Variants in CTNND1 observed in about 807,000 individuals in gnomAD.
CTNND1 encodes the protein catenin delta-1.
A neutral mutation model predicts 112.1 loss-of-function variants in CTNND1; 16 were observed. The observed-to-expected ratio is 0.14, with a 90% CI of 0.10 to 0.22. The LOEUF is 0.22. Ranked by LOEUF, CTNND1 falls within the 10% of genes least tolerant of loss-of-function variation. CTNND1 has a pLI of 1.00. For missense variants in CTNND1, 1,008 were observed against 1,257.0 expected (o/e 0.80, Z 3.00); for synonymous variants, 420 against 446.5 (o/e 0.94, Z 0.75).
intron 4 of CTNND1, 73 bp from the exon 5 acceptor site, chr11:57,795,504 T>G (rs1372864295): frequency 6.7e-7 from 1 of 1,500,730 alleles, no homozygotes; most frequent in African/African-American, 1.4e-5. Flanking sequence ...TTACCACTTA[T>G]GCTTCTTATT....
At chr11:57,785,896 T>A (rs1165027135) in intron 1 of CTNND1, among the ~76,000 whole-genome samples, 1 of 152,018 alleles carries the variant, frequency 6.6e-6, no homozygotes, top group Non-Finnish European at 1.5e-5. Context: ...TAGCACTGTC[T>A]AGTTGTTTGG....
In CTNND1 at chr11:57,809,154, A is replaced by G. The variant is rs11570210; in HGVS notation, c.2243-120A>G. ...TTTGATATGATAATCCTATAGGATA[A>G]TGAAGTTGATTCATGTGGACAGCAC... On this transcript the variant is annotated intron_variant, in intron 14 of 20. Coordinates refer to ENST00000399050, the MANE Select transcript of CTNND1 (RefSeq NM_001085458.2). 27,149 of 682,974 alleles carry G rather than the reference A, an allele frequency of 0.04. 668 individuals carry two copies. The highest frequency in any genetic ancestry group is 0.051 in the Non-Finnish European group (20,291 of 399,908). 42.3% of individuals were successfully genotyped at this position (682,974 alleles called of 1,614,324 possible). A position where few individuals can be genotyped will look rare whatever the true frequency, so the allele number is the denominator to read the frequency against.
chr11:57,807,283 A>G (rs1374818656), intron 12 of CTNND1, among the ~76,000 whole-genome samples: 1 of 152,182 alleles, frequency 6.6e-6, no homozygotes, highest in Non-Finnish European at 1.5e-5. Flanking sequence ...CTTAAACCTC[A>G]CTATTAAAAG....
In CTNND1 at chr11:57,796,967, C is replaced by CTG; in HGVS notation, c.931_932insTG (p.Pro311LeufsTer15). Reference sequence around the variant, plus strand: ...TGGCACTGCCCGTCGGACTGGGACACCCTCTGACCCTCGTCGGCGCCTCAG... The same window carrying CTG: ...TGGCACTGCCCGTCGGACTGGGACACTGCCTCTGACCCTCGTCGGCGCCTCAG... On this transcript the variant is annotated frameshift_variant, in exon 6 of 21. Coordinates refer to ENST00000399050, the MANE Select transcript of CTNND1 (RefSeq NM_001085458.2). LOFTEE classifies it high-confidence loss of function. 6.7e-7 allele frequency: 1 copy of CTG among 1,496,468 alleles called. No homozygotes were observed. 92.7% of individuals were successfully genotyped at this position (1,496,468 alleles called of 1,614,324 possible).
chr11:57,803,585 A>G, intron 7 of CTNND1, 36 bp from the exon 8 acceptor site: 4 of 1,536,390 alleles, frequency 2.6e-6, no homozygotes, highest in Non-Finnish European at 3.5e-6. Context: ...ATTGTCTTGA[A>G]TGCTCAAGAG....
chr11:57,809,433 G>A lies in CTNND1; in HGVS notation c.2402G>A (p.Gly801Asp), dbSNP rs765155573. The change falls in exon 15 of 21, where the codon GGT becomes GAT. Residue 801 changes from glycine (G) to aspartate (D), a missense_variant. Gly to Asp is a moderately conservative substitution (Grantham distance 94). Around this residue, in one of 5 missense-constraint regions of CTNND1, gnomAD observed 254 missense variants for 279.5 expected, o/e 0.91. Transcript: ENST00000399050. ...EAAKKLRETQ[G>D]IEKLVLINKS... ...GCCAAAAAGCTTCGAGAGACACAGG[G>A]TATTGAGAAGCTGGTGTTGATCAAC... 2 of 1,613,340 alleles carry A rather than the reference G, an allele frequency of 1.2e-6. No homozygotes were observed. Among genetic ancestry groups the A allele is most frequent in the South Asian group, 1.1e-5 (1 of 90,952 alleles).
At chr11:57,768,038 T>G (rs1951553952) in intron 1 of CTNND1, among the ~76,000 whole-genome samples, 2 of 152,040 alleles carry the variant, frequency 1.3e-5, no homozygotes, top group African/African-American at 4.8e-5. Flanking sequence ...TTTCACCATA[T>G]TGGCCAGGCT....
At chr11:57,804,341 A>G (rs1283409756) in intron 8 of CTNND1, among the ~76,000 whole-genome samples, 1 of 152,108 alleles carries the variant, frequency 6.6e-6, no homozygotes, top group Non-Finnish European at 1.5e-5. Flanking sequence ...CTGCTATATA[A>G]TCTTTCTCTC....
At position 57,815,482 on chromosome 11, in the gene CTNND1, G is replaced by T; in HGVS notation, c.2790G>T (p.Lys930Asn). Residue 930 changes from lysine (K) to asparagine (N), a missense_variant, in exon 19 of 21, where the codon AAG becomes AAT. Physicochemically the swap from Lys to Asn is moderately conservative, Grantham distance 94 (BLOSUM62 0). This residue lies in a region of CTNND1 where 106 missense variants were observed against 116.2 expected (regional missense o/e 0.91). Transcript: ENST00000399050. ...SGDLGDMEPLKGTTPLMQDEG... is the reference protein window; with the variant it reads ...SGDLGDMEPLNGTTPLMQDEG... The stretch of plus-strand genomic sequence containing the variant: ...ATCTAGGCGACATGGAGCCATTGAA[G>T]GGAACAACACCCTTGATGGTAAATT... The T allele has an allele frequency of 6.2e-7, 1 of 1,611,554 alleles. No individual in the cohort carries two copies. The highest frequency in any genetic ancestry group is 2.2e-5 in the East Asian group (1 of 44,818).
intron 1 of CTNND1, among the ~76,000 whole-genome samples, chr11:57,779,576 A>G (rs1231654218): frequency 6.6e-6 from 1 of 152,204 alleles, no homozygotes; most frequent in Non-Finnish European, 1.5e-5. Flanking sequence ...ACATACCACT[A>G]GAACAATCCT....
intron 16 of CTNND1, among the ~76,000 whole-genome samples, chr11:57,810,446 A>G (rs901595150): frequency 6.6e-6 from 1 of 151,804 alleles, no homozygotes; most frequent in African/African-American, 2.4e-5. Flanking sequence ...CTTGTGCCTC[A>G]GCCTCCCCAG....
Position 57,791,379 on chromosome 11 carries a change from C to A in CTNND1, c.-94-6C>A. Reference sequence around the variant, plus strand: ...TTCTCTCCTTTCTCTTACCCTTTCCCGGTAGTGTGAAGTGAGGGGGTCTCT... The same window carrying A: ...TTCTCTCCTTTCTCTTACCCTTTCCAGGTAGTGTGAAGTGAGGGGGTCTCT... On this transcript the variant is annotated splice_region_variant and splice_polypyrimidine_tract_variant and intron_variant, in intron 2 of 20. Coordinates refer to ENST00000399050, the MANE Select transcript of CTNND1 (RefSeq NM_001085458.2). 5 of 1,363,652 alleles carry A rather than the reference C, an allele frequency of 3.7e-6. No homozygotes were observed. Among genetic ancestry groups the A allele is most frequent in the Non-Finnish European group, 3.8e-6 (4 of 1,051,662 alleles). 84.5% of individuals were successfully genotyped at this position (1,363,652 alleles called of 1,614,324 possible).
chr11:57,816,616 C>T lies in CTNND1; in HGVS notation c.*308C>T, dbSNP rs1228375080. The T allele has an allele frequency of 6.4e-6, 3 of 468,696 alleles. No homozygotes were observed. Among genetic ancestry groups the T allele is most frequent in the African/African-American group, 3.9e-5 (2 of 51,032 alleles). The allele number at this position is 468,696 out of a possible 1,614,324, so 29.0% of individuals were successfully genotyped here. On this transcript the variant is annotated 3_prime_UTR_variant, in exon 21 of 21. Transcript: ENST00000399050. ...TTTTTGCCAGTTTTCCCTGGAACTC[C>T]TGGCCTTTTGTGGAGGGGAGGGATG...
intron 10 of CTNND1, 135 bp from the exon 11 acceptor site, chr11:57,806,326 T>C (rs1420236357): frequency 7.6e-6 from 7 of 921,206 alleles, no homozygotes; most frequent in Non-Finnish European, 1.0e-5. Context: ...ATACGTCCTT[T>C]GCATTTTCTG....
intron 9 of CTNND1, 148 bp from the exon 10 acceptor site, chr11:57,805,734 G>T: frequency 1.2e-6 from 1 of 847,034 alleles, no homozygotes; most frequent in Non-Finnish European, 1.8e-6. Flanking sequence ...CAAGAAGCCT[G>T]GAGCACTTAA....
At chr11:57,814,747 A>G (rs2063760954) in intron 18 of CTNND1, among the ~76,000 whole-genome samples, 1 of 152,014 alleles carries the variant, frequency 6.6e-6, no homozygotes, top group Non-Finnish European at 1.5e-5. Flanking sequence ...CTGCTCATGT[A>G]ATACCTCTTA....
chr11:57,815,407 C>T lies in CTNND1; in HGVS notation c.2715C>T (p.Ser905=). ...SNTKSLDNNY[S]TPNERGDHNR... is the part of the protein sequence containing the mutation. ...TTTTTTAACCAGATAACAACTATTC[C>T]ACACCAAATGAGAGAGGAGACCACA... Residue 905 remains serine (S), a synonymous_variant, in exon 19 of 21, where the codon TCC becomes TCT. Transcript: ENST00000399050. The T allele has an allele frequency of 6.3e-7, 1 of 1,595,206 alleles. No individual in the cohort carries two copies. The highest frequency in any genetic ancestry group is 8.5e-7 in the Non-Finnish European group (1 of 1,173,232).
At chr11:57,808,569 C>G (rs138230782) in intron 14 of CTNND1, 29 bp downstream of exon 14, 2 of 1,550,286 alleles carry the variant, frequency 1.3e-6, no homozygotes, top group East Asian at 2.3e-5. Flanking sequence ...ACTGTTACCT[C>G]AAAATTTAGT....
Position 57,788,902 on chromosome 11 carries a change from C to T in CTNND1, c.-213-135C>T. 1 of 706,458 alleles carries T rather than the reference C, an allele frequency of 1.4e-6. No individual in the cohort carries two copies. The highest frequency in any genetic ancestry group is 2.5e-6 in the Non-Finnish European group (1 of 407,866). The allele number at this position is 706,458 out of a possible 1,614,324, so 43.8% of individuals were successfully genotyped here. ...AACAAGGTCTAAAGGGCACTTGTCACATTAAGCAATTCCAAGTCATATTTT... is the reference window on the plus strand; with the variant it reads ...AACAAGGTCTAAAGGGCACTTGTCATATTAAGCAATTCCAAGTCATATTTT... On this transcript the variant is annotated intron_variant, in intron 1 of 20. Coordinates refer to ENST00000399050, the MANE Select transcript of CTNND1 (RefSeq NM_001085458.2). This position sits in a 1 kb window ranked among gnomAD's most constrained non-coding sequence, Gnocchi z 4.1.
Sources: gnomAD v4.1 joint callset for allele counts (sites outside exome capture counted in the v4.1 genomes callset) on GRCh38, gnomAD v4.1.1 for gene constraint, gnomAD v4.1.1 regional missense constraint, Gnocchi (gnomAD v3.1) non-coding constraint, MANE v1.5 for transcripts, NCBI Gene and HGNC (gene_info 2026-07-23, HGNC 2026-07-21) for gene names.